FTCDNL1: variants seen among roughly 807,000 people sequenced by gnomAD.
FTCDNL1 encodes formiminotransferase N-terminal subdomain-containing protein.
A neutral mutation model predicts 5.9 loss-of-function variants in FTCDNL1; 11 were observed. The ratio of observed to expected loss-of-function variants is 1.87; its 90% CI spans 1.18 to 3.10. The LOEUF (loss-of-function observed/expected upper bound fraction) is 3.10. Among genes scored for constraint, FTCDNL1 ranks in the 30% most tolerant of loss-of-function variants. FTCDNL1 has a pLI of 0.00. For missense variants in FTCDNL1, 115 were observed against 65.5 expected, an observed-to-expected ratio of 1.76 and a Z score of -2.61; for synonymous variants, 58 against 24.8, an observed-to-expected ratio of 2.34 and a Z score of -3.99.
chr2:199,802,072 C>G (rs936931876), intron 3 of FTCDNL1, among the ~76,000 whole-genome samples: 2 of 152,224 alleles, frequency 1.3e-5, no homozygotes, highest in Non-Finnish European at 2.9e-5. Flanking sequence ...AGCTGCTCCG[C>G]TGCCACTCAT....
chr2:199,692,447 G>A, the FTCDNL1 span, among the ~76,000 whole-genome samples: 2 of 152,242 alleles, frequency 1.3e-5, no homozygotes, highest in African/African-American at 4.8e-5. Context: ...ATCTTAAATA[G>A]CCTGTCTTCT....
chr2:199,729,519 T>C, the FTCDNL1 span, among the ~76,000 whole-genome samples: 1 of 151,866 alleles, frequency 6.6e-6, no homozygotes, highest in Non-Finnish European at 1.5e-5. Flanking sequence ...GGATTCAAAA[T>C]CAATGTGCAA....
intron 4 of FTCDNL1, among the ~76,000 whole-genome samples, chr2:199,813,229 G>A (rs548716075): frequency 2.0e-5 from 3 of 152,284 alleles, no homozygotes; most frequent in Admixed American, 6.5e-5. Context: ...AAACAATAGC[G>A]AAGAGCCCAT....
intron 3 of FTCDNL1, among the ~76,000 whole-genome samples, chr2:199,843,789 TCC>T (rs1391407534): frequency 6.6e-6 from 1 of 152,144 alleles, no homozygotes. Flanking sequence ...AGTTAGACAG[TCC>T]AGGCAAAAGG....
chr2:199,838,908 G>T (rs756522262), intron 3 of FTCDNL1, among the ~76,000 whole-genome samples: 4 of 152,260 alleles, frequency 2.6e-5, no homozygotes, highest in Non-Finnish European at 5.9e-5. Context: ...GTGCAACTCA[G>T]CTTCTAAAAC....
intron 3 of FTCDNL1, among the ~76,000 whole-genome samples, chr2:199,772,089 C>G (rs2106291012): frequency 6.6e-6 from 1 of 152,302 alleles, no homozygotes; most frequent in Non-Finnish European, 1.5e-5. Context: ...AACACAAACA[C>G]TGCGATACTG....
chr2:199,803,956 T>A (rs1369803841), intron 3 of FTCDNL1, among the ~76,000 whole-genome samples: 2 of 152,180 alleles, frequency 1.3e-5, no homozygotes, highest in Non-Finnish European at 1.5e-5. Context: ...AAAAGATAGC[T>A]ACAAATAATG....
the FTCDNL1 span, among the ~76,000 whole-genome samples, chr2:199,720,976 T>C: frequency 4.6e-5 from 7 of 152,204 alleles, no homozygotes; most frequent in African/African-American, 1.7e-4. Flanking sequence ...GAATCCTGAT[T>C]CTATGCCTAG....
chr2:199,754,329 A>C, the FTCDNL1 span, among the ~76,000 whole-genome samples: 56 of 152,268 alleles, frequency 3.7e-4, no homozygotes, highest in African/African-American at 1.2e-3. Context: ...CCCAGAGGGA[A>C]GTGGCATGCC....
intron 3 of FTCDNL1, among the ~76,000 whole-genome samples, chr2:199,765,744 T>G (rs1444225497): frequency 2.6e-5 from 4 of 151,490 alleles, no homozygotes; most frequent in Non-Finnish European, 5.9e-5. Context: ...GGTTTCACCG[T>G]GTTGCCCAGC....
chr2:199,671,112 C>T, the FTCDNL1 span, among the ~76,000 whole-genome samples: 451 of 150,582 alleles, frequency 3.0e-3, 2 homozygotes, highest in Middle Eastern at 3.5e-3. Context: ...TTGGCTTGCC[C>T]GGGAAGTGGG....
At chr2:199,681,511 T>G in the FTCDNL1 span, among the ~76,000 whole-genome samples, 1 of 152,156 alleles carries the variant, frequency 6.6e-6, no homozygotes, top group African/African-American at 2.4e-5. Context: ...TTTGGAGGGT[T>G]GGGAGTCTCT....
At chr2:199,683,159 C>T in the FTCDNL1 span, among the ~76,000 whole-genome samples, 3 of 152,138 alleles carry the variant, frequency 2.0e-5, no homozygotes, top group African/African-American at 7.2e-5. Flanking sequence ...TCATCTTTTA[C>T]AAGAAGAATG....
At chr2:199,668,058 T>G in the FTCDNL1 span, among the ~76,000 whole-genome samples, 2 of 152,344 alleles carry the variant, frequency 1.3e-5, no homozygotes, top group South Asian at 4.1e-4. Context: ...ACAGCATTAA[T>G]GAAGAACTCC....
the FTCDNL1 span, among the ~76,000 whole-genome samples, chr2:199,731,629 C>A: frequency 6.6e-6 from 1 of 152,192 alleles, no homozygotes; most frequent in African/African-American, 2.4e-5. Flanking sequence ...CCCCTCACGC[C>A]TGTAATCCCA....
the FTCDNL1 span, among the ~76,000 whole-genome samples, chr2:199,710,042 G>A: frequency 2.6e-5 from 4 of 151,974 alleles, no homozygotes; most frequent in African/African-American, 9.7e-5. Flanking sequence ...TGAAACTTTT[G>A]CCATCATTCA....
rs532538157 is a variant in FTCDNL1, at chr2:199,851,106, C to A, written c.-374G>T. On this transcript the variant is annotated 5_prime_UTR_variant, in exon 1 of 5. Coordinates refer to ENST00000420128, the MANE Select transcript of FTCDNL1 (RefSeq NM_001363886.2). ...CCGAAGGGCGGTGGGGCAGGGCGAC[C>A]GCCCAGCCCAAGTCGCCGCCGCGCG... 6.7e-6 allele frequency: 1 copy of A among 149,406 alleles called. No homozygotes were observed. The highest frequency in any genetic ancestry group is 6.7e-5 in the Admixed American group (1 of 15,000). The allele number at this position is 149,406 out of a possible 1,614,324, so 9.3% of individuals were successfully genotyped here. A position where few individuals can be genotyped will look rare whatever the true frequency, so the allele number is the denominator to read the frequency against.
chr2:199,840,488 G>A (rs1188947431), intron 3 of FTCDNL1, among the ~76,000 whole-genome samples: 1 of 152,104 alleles, frequency 6.6e-6, no homozygotes, highest in Non-Finnish European at 1.5e-5. Flanking sequence ...GTGAGTGTGT[G>A]TGTGTTAGAG....
At chr2:199,827,376 A>G (rs761618698) in intron 3 of FTCDNL1, among the ~76,000 whole-genome samples, 30 of 151,966 alleles carry the variant, frequency 2.0e-4, no homozygotes, top group Non-Finnish European at 3.2e-4. Flanking sequence ...ACTCAGAGAT[A>G]CAACAATCAG....
Sources: gnomAD v4.1 joint callset for allele counts (sites outside exome capture counted in the v4.1 genomes callset) on GRCh38, gnomAD v4.1.1 for gene constraint, MANE v1.5 for transcripts, NCBI Gene and HGNC (gene_info 2026-07-23, HGNC 2026-07-21) for gene names.